Variants in SLC48A1 observed in about 807,000 individuals in gnomAD.
SLC48A1 encodes the protein solute carrier family 48 member 1.
Under a neutral mutation model 14.8 loss-of-function variants are expected in SLC48A1, and 6 were observed. The observed-to-expected ratio is 0.41, with a 90% CI of 0.22 to 0.80. The LOEUF is 0.80. Ranked by LOEUF, SLC48A1 falls within the 30% of genes least tolerant of loss-of-function variation. The pLI is 0.34. For synonymous variants in SLC48A1, 89 were observed against 90.0 expected (o/e 0.99, Z 0.06); for missense variants, 165 against 204.8 (o/e 0.81, Z 1.19).
At chr12:47,778,750 T>C in intron 1 of SLC48A1, 1 of 392,396 alleles carries the variant, frequency 2.5e-6, no homozygotes, top group Non-Finnish European at 4.6e-6. Context: ...ATAACATTTT[T>C]GTGAGAGATA....
chr12:47,754,412 G>A (rs1224788508), upstream of SLC48A1, among the ~76,000 whole-genome samples: 1 of 152,228 alleles, frequency 6.6e-6, no homozygotes, highest in African/African-American at 2.4e-5. Context: ...CTTCTAGGAT[G>A]GGGCGGAGAG....
At chr12:47,771,932 CAAAAAA>C (rs372095423), upstream of SLC48A1, among the ~76,000 whole-genome samples, 14 of 125,114 alleles carry the variant, frequency 1.1e-4, no homozygotes, top group Admixed American at 3.3e-4. Flanking sequence ...GACTCCGTCT[CAAAAAA>C]AAAAAAAAAG....
chr12:47,761,980 C>T (rs61917622), intron 2 of SLC48A1, among the ~76,000 whole-genome samples: 28,796 of 151,980 alleles, frequency 0.19, 3,133 homozygotes, highest in African/African-American at 0.3. Flanking sequence ...GGTTTCTACC[C>T]TGTGTGCTTT....
rs114905705 is a variant in SLC48A1 at position 47,777,731 on chromosome 12, A to G, written c.137-1297A>G. ...GATAGATGATTTAACAAACACCCTT[A>G]TAACCCAGCCTGAGAAAACAGCGTA... On this transcript the variant is annotated intron_variant, in intron 1 of 2. Transcript: ENST00000442218. This position sits in a 1 kb window ranked among gnomAD's most constrained non-coding sequence, Gnocchi z 4.5. Among the ~76,000 whole-genome samples the G allele has an allele frequency of 0.016, 2,485 of 152,362 alleles. 77 individuals are homozygous for G. The highest frequency in any genetic ancestry group is 0.058 in the African/African-American group (2,391 of 41,568).
rs1013731312 is a variant in SLC48A1 at position 47,782,680 on chromosome 12, G to T, written c.*2399G>T. 2 of 152,294 alleles carry T rather than the reference G, an allele frequency of 1.3e-5. No individual in the cohort carries two copies. Among genetic ancestry groups the T allele is most frequent in the African/African-American group, 2.4e-5 (1 of 41,482 alleles). 9.4% of individuals were successfully genotyped at this position (152,294 alleles called of 1,614,324 possible). ...AGCTGTGTGCCCTGCACACCCGCTT[G>T]ACGGCGCACTGCTCACTTCTGGGGG... On this transcript the variant is annotated 3_prime_UTR_variant, in exon 3 of 3. Coordinates refer to ENST00000442218, the MANE Select transcript of SLC48A1 (RefSeq NM_017842.3).
chr12:47,762,906 G>A (rs79722090), intron 2 of SLC48A1, among the ~76,000 whole-genome samples: 18,087 of 152,256 alleles, frequency 0.12, 1,358 homozygotes, highest in Non-Finnish European at 0.17. Flanking sequence ...GGGGAACTTT[G>A]CTGTAAACTG....
At chr12:47,779,253 A>G (rs914901213) in intron 2 of SLC48A1, 58 bp downstream of exon 2, 2 of 1,508,448 alleles carry the variant, frequency 1.3e-6, no homozygotes, top group African/African-American at 1.4e-5. Flanking sequence ...GGATTTTAGC[A>G]GCATTCCCAT....
intron 1 of SLC48A1, chr12:47,759,158 C>T: frequency 1.1e-6 from 1 of 946,306 alleles, no homozygotes; most frequent in Non-Finnish European, 1.3e-6. Context: ...CGGTGAGTGG[C>T]TGCACTGGCC....
chr12:47,758,191 C>T (rs1488330583), upstream of SLC48A1: 13 of 1,446,922 alleles, frequency 9.0e-6, no homozygotes, highest in South Asian at 7.2e-5. Context: ...ACTGGTCAGG[C>T]GGAGGTGCTG....
chr12:47,761,901 A>G (rs954193620), intron 2 of SLC48A1, among the ~76,000 whole-genome samples: 5 of 152,136 alleles, frequency 3.3e-5, no homozygotes, highest in African/African-American at 1.2e-4. Context: ...TGAGACACAA[A>G]GAGGTTAAAT....
Position 47,773,386 on chromosome 12 carries a change from G to C in SLC48A1, c.82G>C (p.Val28Leu), listed in dbSNP as rs1255745218. 26 of 1,474,522 alleles carry C rather than the reference G, an allele frequency of 1.8e-5. No homozygotes were observed. The highest frequency in any genetic ancestry group is 2.5e-5 in the Admixed American group (1 of 40,646). 91.3% of individuals were successfully genotyped at this position (1,474,522 alleles called of 1,614,324 possible). Residue 28 changes from valine to leucine, a missense_variant, in exon 1 of 3, where the codon GTC (valine) becomes CTC (leucine). Val to Leu is a conservative substitution (Grantham distance 32). Coordinates refer to ENST00000442218, the MANE Select transcript of SLC48A1 (RefSeq NM_017842.3). ...CGTGGCCGGCTTCTCCATCTTCCTC[G>C]TCTGGACGGTGGTCTACCGACAGCC... ...SSVAGFSIFL[V>L]WTVVYRQPGT...
chr12:47,760,372 C>G, exon 2 of SLC48A1: 1 of 985,452 alleles, frequency 1.0e-6, no homozygotes, highest in Non-Finnish European at 1.2e-6. Flanking sequence ...TGGAAACTGA[C>G]AGGAAAGGAT....
At chr12:47,758,740 A>T in intron 1 of SLC48A1, 12 of 1,178,060 alleles carry the variant, frequency 1.0e-5, no homozygotes, top group Admixed American at 3.9e-5. Flanking sequence ...CTCGGTGGAG[A>T]GGCTCCTCTT....
chr12:47,755,008 T>C (rs1941967878), upstream of SLC48A1, among the ~76,000 whole-genome samples: 1 of 152,214 alleles, frequency 6.6e-6, no homozygotes, highest in Non-Finnish European at 1.5e-5. Flanking sequence ...ACCAGTTCCC[T>C]TGGGCCATAG....
intron 1 of SLC48A1, chr12:47,759,062 G>A: frequency 3.0e-6 from 3 of 986,970 alleles, no homozygotes; most frequent in Non-Finnish European, 3.6e-6. Context: ...GTGGACATCC[G>A]CCTGAGCCCA....
intron 1 of SLC48A1, chr12:47,778,739 CAT>C (rs1345173384): frequency 5.4e-6 from 2 of 366,994 alleles, no homozygotes; most frequent in African/African-American, 2.0e-5. Flanking sequence ...CATGAATTAA[CAT>C]AACATTTTTG....
upstream of SLC48A1, chr12:47,770,913 C>G (rs762111626): frequency 6.6e-6 from 3 of 456,632 alleles, no homozygotes; most frequent in South Asian, 4.6e-5. Flanking sequence ...CGTGCGGTTC[C>G]CACTGCCTGG....
chr12:47,758,581 G>T (rs750531972), exon 1 of SLC48A1: 7 of 1,613,582 alleles, frequency 4.3e-6, no homozygotes, highest in Admixed American at 1.7e-5. Context: ...TCGCACAGCC[G>T]TGCAGGCTCT....
chr12:47,754,628 A>C (rs970761691), upstream of SLC48A1, among the ~76,000 whole-genome samples: 5 of 152,206 alleles, frequency 3.3e-5, no homozygotes, highest in Non-Finnish European at 7.3e-5. Context: ...TCAAAAAGTT[A>C]ATAATATAAA....
Sources: gnomAD v4.1 joint callset for allele counts (sites outside exome capture counted in the v4.1 genomes callset) on GRCh38, gnomAD v4.1.1 for gene constraint, Gnocchi (gnomAD v3.1) non-coding constraint, MANE v1.5 for transcripts, NCBI Gene and HGNC (gene_info 2026-07-23, HGNC 2026-07-21) for gene names.